The following MYO3B variants were observed in gnomAD, a reference collection of about 807,000 sequenced individuals.
MYO3B encodes myosin IIIB.
Under a neutral mutation model 174.6 loss-of-function variants are expected in MYO3B, and 156 were observed. The observed-to-expected ratio is 0.89, with a 90% CI of 0.78 to 1.02. The LOEUF (loss-of-function observed/expected upper bound fraction) is 1.02, where lower values mean the gene tolerates loss of function less well. Among genes scored for constraint, MYO3B ranks in the 50% least tolerant of loss-of-function variants. The pLI is 0.00. For synonymous variants in MYO3B, 563 were observed against 569.1 expected (o/e 0.99, Z 0.15); for missense variants, 1,632 against 1,639.4 (o/e 1.00, Z 0.08).
At chr2:170,646,854 T>G (rs1403663207) in intron 32 of MYO3B, 38 of 1,087,510 alleles carry the variant, frequency 3.5e-5, no homozygotes, top group Non-Finnish European at 4.9e-5. Context: ...TCAGGATAGT[T>G]CAACATTTTT....
At chr2:170,475,810 A>G (rs1198624406) in intron 25 of MYO3B, among the ~76,000 whole-genome samples, 4 of 152,240 alleles carry the variant, frequency 2.6e-5, no homozygotes. Flanking sequence ...GTGAGGAGGC[A>G]AAGCAATTCC....
intron 6 of MYO3B, among the ~76,000 whole-genome samples, chr2:170,234,513 T>G (rs1213707600): frequency 6.6e-6 from 1 of 152,194 alleles, no homozygotes; most frequent in Non-Finnish European, 1.5e-5. Context: ...GGGGATTAAA[T>G]TTCTAACACA....
chr2:170,567,316 A>G (rs1333820165), intron 32 of MYO3B, among the ~76,000 whole-genome samples: 3 of 152,224 alleles, frequency 2.0e-5, no homozygotes, highest in African/African-American at 7.2e-5. Flanking sequence ...AAGGATTTCA[A>G]TAAGATTTTT....
chr2:170,548,130 A>G (rs1040758365), intron 32 of MYO3B, among the ~76,000 whole-genome samples: 12 of 151,158 alleles, frequency 7.9e-5, no homozygotes, highest in Non-Finnish European at 1.5e-4. Flanking sequence ...AAAAAAAAAA[A>G]AAAAAGAATG....
intron 7 of MYO3B, among the ~76,000 whole-genome samples, chr2:170,250,293 G>C (rs1296976762): frequency 2.6e-5 from 4 of 152,202 alleles, no homozygotes; most frequent in Admixed American, 2.0e-4. Flanking sequence ...GTTCACAATT[G>C]ATAAGAAAGG....
In MYO3B at chr2:170,652,161, A is replaced by G. The variant is rs996477756; in HGVS notation, c.3887+7A>G. 2 of 1,613,788 alleles carry G rather than the reference A, an allele frequency of 1.2e-6. No homozygotes were observed. The highest frequency in any genetic ancestry group is 8.5e-7 in the Non-Finnish European group (1 of 1,179,752). Reference sequence around the variant, plus strand: ...GGAAGCCAAGAAAACTTGGGTAAATATCTGTCTTCTTAGTTCTAAGCAACT... The same window carrying G: ...GGAAGCCAAGAAAACTTGGGTAAATGTCTGTCTTCTTAGTTCTAAGCAACT... On this transcript the variant is annotated splice_region_variant and intron_variant, in intron 34 of 34. Coordinates refer to ENST00000408978, the MANE Select transcript of MYO3B (RefSeq NM_138995.5).
In MYO3B at chr2:170,627,899, G is replaced by A. The variant is rs185249127; in HGVS notation, c.3734-23729G>A. 1.1e-4 allele frequency among the ~76,000 whole-genome samples: 16 copies of A among 152,198 alleles called. 1 individual carries two copies. In the East Asian group the frequency reaches 1.9e-3, roughly 18 times the overall value. ...GAACAGCAAATATTGCTGTCTGATC[G>A]TTTTTCTGGAGGTTTCGTCTCAGAG... On this transcript the variant is annotated intron_variant, in intron 32 of 34. Coordinates refer to ENST00000408978, the MANE Select transcript of MYO3B (RefSeq NM_138995.5).
At chr2:170,338,961 C>T (rs538440006) in intron 8 of MYO3B, among the ~76,000 whole-genome samples, 96 of 152,326 alleles carry the variant, frequency 6.3e-4, no homozygotes, top group Admixed American at 1.2e-3. Context: ...TGCCATTACT[C>T]AGCCTATCAA....
rs1215935791 is a variant in MYO3B, at chr2:170,501,858, T to C, written c.3363T>C (p.Asn1121=). The change falls in exon 28 of 35, where the codon AAT becomes AAC. Residue 1121 remains asparagine (N), a synonymous_variant. Transcript: ENST00000408978. ...GAAGGAATGAGTCTGCTGCTCATAA[T>C]CAAGCAGGTAATTAAAACATCATTT... The part of the protein sequence containing the change: ...SNRRNESAAH[N]QAGDTSNQSS... 6 of 1,607,444 alleles carry C rather than the reference T, an allele frequency of 3.7e-6. No individual in the cohort carries two copies. Among genetic ancestry groups the C allele is most frequent in the Middle Eastern group, 3.3e-4 (2 of 6,054 alleles).
intron 32 of MYO3B, among the ~76,000 whole-genome samples, chr2:170,626,952 C>A (rs1416721520): frequency 1.3e-5 from 2 of 152,110 alleles, no homozygotes; most frequent in Non-Finnish European, 2.9e-5. Context: ...TGTGGGTAAC[C>A]CGACCTTTCT....
At chr2:170,204,591 T>C (rs2092696549) in intron 3 of MYO3B, among the ~76,000 whole-genome samples, 1 of 152,242 alleles carries the variant, frequency 6.6e-6, no homozygotes, top group Admixed American at 6.5e-5. Context: ...GGAAAATAGA[T>C]GTGGAATGTA....
At chr2:170,267,859 G>A (rs1303004079) in intron 7 of MYO3B, among the ~76,000 whole-genome samples, 1 of 152,162 alleles carries the variant, frequency 6.6e-6, no homozygotes, top group Non-Finnish European at 1.5e-5. Flanking sequence ...GCACATAGTT[G>A]TGAAAGAGCT....
intron 32 of MYO3B, chr2:170,640,450 A>G (rs1308376502): frequency 6.6e-6 from 1 of 152,216 alleles, no homozygotes; most frequent in African/African-American, 2.4e-5. Flanking sequence ...GGTGGTTATC[A>G]TACTCCAGTT....
chr2:170,501,504 G>T (rs570044506), intron 27 of MYO3B, among the ~76,000 whole-genome samples: 79 of 152,270 alleles, frequency 5.2e-4, no homozygotes, highest in African/African-American at 1.8e-3. Context: ...CATCTCACCT[G>T]GAGTAGGGGT....
intron 25 of MYO3B, among the ~76,000 whole-genome samples, chr2:170,490,218 T>C (rs551201233): frequency 2.4e-4 from 36 of 152,146 alleles, no homozygotes; most frequent in African/African-American, 6.3e-4. Flanking sequence ...TTAGTAGAGA[T>C]GGGGTTTCAC....
chr2:170,202,025 T>C (rs1242935889), intron 3 of MYO3B, among the ~76,000 whole-genome samples: 1 of 152,154 alleles, frequency 6.6e-6, no homozygotes, highest in East Asian at 1.9e-4. Flanking sequence ...GGTGGGCTGC[T>C]CATACCTGAG....
chr2:170,349,116 T>C, intron 8 of MYO3B, among the ~76,000 whole-genome samples: 1 of 152,128 alleles, frequency 6.6e-6, no homozygotes, highest in East Asian at 1.9e-4. Flanking sequence ...ACACACAAGG[T>C]CATGAAGGAT....
Position 170,513,299 on chromosome 2 carries a change from C to A in MYO3B, c.3371-1622C>A, listed in dbSNP as rs555274123. Among the ~76,000 whole-genome samples the A allele has an allele frequency of 3.9e-5, 6 of 152,318 alleles. No individual in the cohort carries two copies. In the East Asian group the frequency reaches 1.2e-3, roughly 29 times the overall value. ...ACAGTTCTAGAGGCTAGAAGTCCAT[C>A]AAGGTGTCAGCAACATTGGTTTCTA... On this transcript the variant is annotated intron_variant, in intron 28 of 34. Transcript: ENST00000408978.
intron 17 of MYO3B, among the ~76,000 whole-genome samples, chr2:170,400,653 C>CT (rs918494746): frequency 7.8e-5 from 11 of 140,702 alleles, no homozygotes; most frequent in East Asian, 6.8e-4. Flanking sequence ...TCCACCCCCC[C>CT]CCCCTCGGCC....
Sources: allele counts gnomAD v4.1 joint callset (sites outside exome capture counted in the v4.1 genomes callset), GRCh38; gene constraint gnomAD v4.1.1; transcripts MANE v1.5; gene names NCBI Gene and HGNC (gene_info 2026-07-23, HGNC 2026-07-21).